NAV3: variants seen among roughly 807,000 people sequenced by gnomAD.
The protein encoded by NAV3 is pore membrane and/or filament interacting like protein 1.
NAV3 carries 87 observed loss-of-function variants against 244.7 expected under a neutral mutation model. That is an observed-to-expected ratio of 0.36 (90% CI 0.30 to 0.42). The LOEUF (loss-of-function observed/expected upper bound fraction) is 0.42. NAV3 is among the 20% of genes least tolerant of loss of function. NAV3 has a pLI of 1.00. For synonymous variants in NAV3, 1,126 were observed against 1,042.2 expected, an observed-to-expected ratio of 1.08 and a Z score of -1.55; for missense variants, 2,663 against 2,893.3, an observed-to-expected ratio of 0.92 and a Z score of 1.83.
chr12:77,701,571 C>G (rs1351010910), intron 2 of NAV3, among the ~76,000 whole-genome samples: 2 of 151,796 alleles, frequency 1.3e-5, no homozygotes, highest in South Asian at 4.1e-4. Flanking sequence ...AAGTTAGAAA[C>G]TTCAGTTAGA....
intron 24 of NAV3, among the ~76,000 whole-genome samples, chr12:78,170,679 C>G (rs540327402): frequency 6.6e-6 from 1 of 151,896 alleles, no homozygotes; most frequent in East Asian, 1.9e-4. Flanking sequence ...TCTGTTGTTG[C>G]ATTGCATATT....
intron 12 of NAV3, among the ~76,000 whole-genome samples, chr12:78,107,560 A>G (rs1954865666): frequency 6.6e-6 from 1 of 152,194 alleles, no homozygotes; most frequent in African/African-American, 2.4e-5. Flanking sequence ...TTCTGGCAGA[A>G]ACTTTACAGG....
intron 12 of NAV3, among the ~76,000 whole-genome samples, chr12:78,109,108 G>A (rs1189427032): frequency 1.3e-5 from 2 of 151,856 alleles, no homozygotes; most frequent in South Asian, 2.1e-4. Context: ...AATCAAAAAC[G>A]ATAAAGGAGA....
At position 77,755,640 on chromosome 12, in the gene NAV3, T is replaced by C. The variant is rs990819143; in HGVS notation, c.72+183374T>C. Among the ~76,000 whole-genome samples, 6 of 131,060 alleles carry C rather than the reference T, an allele frequency of 4.6e-5. 2 individuals carry two copies. The highest frequency in any genetic ancestry group is 3.9e-4 in the Admixed American group (5 of 12,812). The allele number at this position is 131,060 out of a possible 152,430, so 86.0% of individuals were successfully genotyped here. The stretch of plus-strand genomic sequence containing the variant: ...TTCCTTCCTTCCTTCCTTCCTTCCT[T>C]CCTTCCTTCCTTCCTTCCACTCTCT... On this transcript the variant is annotated intron_variant, in intron 2 of 8. Coordinates refer to the NAV3 transcript ENST00000550042.
chr12:77,877,273 C>A (rs533754843), intron 1 of NAV3, among the ~76,000 whole-genome samples: 2 of 152,098 alleles, frequency 1.3e-5, no homozygotes, highest in East Asian at 3.9e-4. Flanking sequence ...ATTTTAGTCC[C>A]AGTTATTTTA....
intron 34 of NAV3, among the ~76,000 whole-genome samples, chr12:78,194,870 G>A (rs1594003944): frequency 6.6e-6 from 1 of 152,072 alleles, no homozygotes; most frequent in Admixed American, 6.6e-5. Context: ...TTTAAAATAA[G>A]GGAATAATAG....
At chr12:77,580,219 A>AACAC (rs59671759) in intron 2 of NAV3, among the ~76,000 whole-genome samples, 5,259 of 145,380 alleles carry the variant, frequency 0.036, 107 homozygotes, top group Middle Eastern at 0.062. Context: ...GTAGGGTGGG[A>AACAC]ACACACACAC....
intron 31 of NAV3, among the ~76,000 whole-genome samples, chr12:78,187,723 T>C (rs1416471402): frequency 6.6e-6 from 1 of 151,924 alleles, no homozygotes; most frequent in Non-Finnish European, 1.5e-5. Context: ...TATATTATCA[T>C]AGATAACACA....
chr12:77,649,468 A>T (rs981773143), intron 2 of NAV3, among the ~76,000 whole-genome samples: 2 of 152,156 alleles, frequency 1.3e-5, no homozygotes, highest in Admixed American at 1.3e-4. Context: ...AAAAGGCATA[A>T]ATTAGCACAT....
intron 2 of NAV3, among the ~76,000 whole-genome samples, chr12:77,659,466 G>A (rs371817887): frequency 2.0e-5 from 3 of 152,210 alleles, no homozygotes; most frequent in Non-Finnish European, 4.4e-5. Context: ...AACAACAGGT[G>A]CTGGAGAGGA....
chr12:77,933,481 CA>C (rs1354320333), intron 1 of NAV3, among the ~76,000 whole-genome samples: 1 of 152,186 alleles, frequency 6.6e-6, no homozygotes, highest in Non-Finnish European at 1.5e-5. Context: ...ATAGACCATC[CA>C]CCGATCTTAT....
intron 2 of NAV3, among the ~76,000 whole-genome samples, chr12:77,740,470 G>T (rs1868308024): frequency 6.6e-6 from 1 of 152,004 alleles, no homozygotes; most frequent in South Asian, 2.1e-4. Flanking sequence ...AAAATGTGTG[G>T]TGTTTGTGGG....
intron 12 of NAV3, among the ~76,000 whole-genome samples, chr12:78,087,121 A>G (rs754664448): frequency 3.9e-5 from 6 of 152,030 alleles, no homozygotes; most frequent in Non-Finnish European, 7.4e-5. Flanking sequence ...CCAGACTTCC[A>G]TATGAGATTT....
At chr12:77,949,563 G>A (rs1309533609) in intron 3 of NAV3, among the ~76,000 whole-genome samples, 1 of 151,218 alleles carries the variant, frequency 6.6e-6, no homozygotes, top group African/African-American at 2.4e-5. Flanking sequence ...GCAAATTTAA[G>A]TTCACAGCAA....
intron 2 of NAV3, among the ~76,000 whole-genome samples, chr12:77,580,219 A>AACACACACACAC (rs59671759): frequency 3.0e-4 from 43 of 145,484 alleles, no homozygotes; most frequent in African/African-American, 1.0e-3. Context: ...GTAGGGTGGG[A>AACACACACACAC]ACACACACAC....
At chr12:77,634,525 G>A (rs564474915) in intron 2 of NAV3, among the ~76,000 whole-genome samples, 218 of 152,234 alleles carry the variant, frequency 1.4e-3, no homozygotes, top group African/African-American at 5.0e-3. Flanking sequence ...AAGCAAGATG[G>A]TTATAAAAAA....
At chr12:77,996,208 T>C (rs983149050) in intron 6 of NAV3, among the ~76,000 whole-genome samples, 1 of 152,202 alleles carries the variant, frequency 6.6e-6, no homozygotes, top group Non-Finnish European at 1.5e-5. Context: ...ACTTTCTAAG[T>C]CTATGCCTAT....
At chr12:78,005,421 G>T (rs1874028365) in intron 7 of NAV3, among the ~76,000 whole-genome samples, 1 of 152,164 alleles carries the variant, frequency 6.6e-6, no homozygotes, top group Admixed American at 6.5e-5. Context: ...ACAGTTTTCA[G>T]AATTTGTGAG....
intron 2 of NAV3, among the ~76,000 whole-genome samples, chr12:77,656,569 G>T (rs879541942): frequency 0.011 from 1,371 of 127,122 alleles, 48 homozygotes; most frequent in Non-Finnish European, 0.017. Context: ...AGTCAACAAG[G>T]ATACCCAGGA....
Sources: allele counts gnomAD v4.1 joint callset (sites outside exome capture counted in the v4.1 genomes callset), GRCh38; gene constraint gnomAD v4.1.1; transcripts MANE v1.5; gene names NCBI Gene and HGNC (gene_info 2026-07-23, HGNC 2026-07-21).